PAPPA2: variants seen among roughly 807,000 people sequenced by gnomAD.
PAPPA2 encodes pappalysin 2, also known as pappalysin-2.
PAPPA2 carries 86 observed loss-of-function variants against 176.4 expected under a neutral mutation model. The ratio of observed to expected loss-of-function variants is 0.49; its 90% confidence interval spans 0.41 to 0.58. The LOEUF is 0.58. Among genes scored for constraint, PAPPA2 ranks in the 20% least tolerant of loss-of-function variants. The pLI is 0.00. For synonymous variants in PAPPA2, 809 were observed against 852.2 expected, an observed-to-expected ratio of 0.95 and a Z score of 0.88; for missense variants, 2,073 against 2,256.9, an observed-to-expected ratio of 0.92 and a Z score of 1.65.
chr1:176,561,488 G>A (rs1489107658), intron 2 of PAPPA2, among the ~76,000 whole-genome samples: 2 of 152,112 alleles, frequency 1.3e-5, no homozygotes, highest in Non-Finnish European at 2.9e-5. Context: ...TAGGAATTCA[G>A]TTTGCTAGAT....
At chr1:176,833,686 C>T (rs1667162247) in intron 21 of PAPPA2, among the ~76,000 whole-genome samples, 1 of 152,120 alleles carries the variant, frequency 6.6e-6, no homozygotes, top group Admixed American at 6.5e-5. Flanking sequence ...ATAGTATATT[C>T]TACTGCCTTG....
At chr1:176,550,409 C>G (rs1281322180) in intron 1 of PAPPA2, among the ~76,000 whole-genome samples, 1 of 152,178 alleles carries the variant, frequency 6.6e-6, no homozygotes, top group Admixed American at 6.5e-5. Flanking sequence ...GAAGTATAAA[C>G]CCTGCAGAGC....
intron 21 of PAPPA2, among the ~76,000 whole-genome samples, chr1:176,834,903 G>A (rs779055555): frequency 1.3e-4 from 20 of 152,174 alleles, no homozygotes; most frequent in East Asian, 3.9e-4. Flanking sequence ...CCTAAGAGAC[G>A]GAGGTTGCAG....
intron 3 of PAPPA2, among the ~76,000 whole-genome samples, chr1:176,652,721 G>A (rs977150935): frequency 3.3e-5 from 5 of 151,726 alleles, no homozygotes; most frequent in Non-Finnish European, 4.4e-5. Context: ...GTTGAGACAT[G>A]GACAGTTAGT....
rs370399941 is a variant in PAPPA2 at position 176,739,681 on chromosome 1, A to G, written c.3854A>G (p.Asp1285Gly). 1.9e-6 allele frequency: 3 copies of G among 1,613,508 alleles called. No individual in the cohort carries two copies. Among genetic ancestry groups the G allele is most frequent in the African/African-American group, 1.3e-5 (1 of 74,876 alleles). The stretch of plus-strand genomic sequence containing the variant: ...GCAATTTTTATTTTTTTGACAACTG[A>G]TGGCCTAGTTCCCGGAGAGCATCAG... ...ARAIFIFLTT[D>G]GLVPGEHQQP... Residue 1285 changes from aspartate (D) to glycine (G), a missense_variant, in exon 13 of 23, where the codon GAT becomes GGT. This residue lies in a region of PAPPA2 where 846 missense variants were observed against 857.9 expected (regional missense o/e 0.99). Coordinates refer to ENST00000367662, the MANE Select transcript of PAPPA2 (RefSeq NM_020318.3).
intron 21 of PAPPA2, among the ~76,000 whole-genome samples, chr1:176,803,353 G>C (rs1173925522): frequency 1.3e-5 from 2 of 152,178 alleles, no homozygotes; most frequent in Non-Finnish European, 2.9e-5. Flanking sequence ...GCCACTTCGT[G>C]AATGTTTACT....
At chr1:176,557,301 C>T (rs115958902) in intron 2 of PAPPA2, 60 bp downstream of exon 2, 3 of 1,491,944 alleles carry the variant, frequency 2.0e-6, no homozygotes, top group South Asian at 1.3e-5. Flanking sequence ...TTATTTCTGA[C>T]GGGTTAGACA....
chr1:176,464,461 G>A (rs574148921), intron 1 of PAPPA2, among the ~76,000 whole-genome samples: 17 of 152,126 alleles, frequency 1.1e-4, no homozygotes, highest in Non-Finnish European at 1.6e-4. Context: ...AGGGCCCTGT[G>A]CTTGGTTCAA....
At chr1:176,519,848 C>A (rs1380033785) in intron 1 of PAPPA2, among the ~76,000 whole-genome samples, 1 of 152,082 alleles carries the variant, frequency 6.6e-6, no homozygotes, top group Non-Finnish European at 1.5e-5. Flanking sequence ...TGGCTGGGAG[C>A]TATAGTAAAA....
intron 14 of PAPPA2, among the ~76,000 whole-genome samples, chr1:176,753,690 T>G (rs1406225046): frequency 2.0e-5 from 3 of 151,982 alleles, no homozygotes; most frequent in Non-Finnish European, 2.9e-5. Flanking sequence ...TCTCTCTTGC[T>G]GCTGGGAAAG....
chr1:176,631,694 T>G (rs1656347859), intron 3 of PAPPA2, among the ~76,000 whole-genome samples: 1 of 151,746 alleles, frequency 6.6e-6, no homozygotes, highest in South Asian at 2.1e-4. Context: ...TAAGGAGGAG[T>G]GAAATACAGA....
At chr1:176,590,013 A>G (rs546554489) in intron 2 of PAPPA2, among the ~76,000 whole-genome samples, 1 of 152,338 alleles carries the variant, frequency 6.6e-6, no homozygotes, top group African/African-American at 2.4e-5. Flanking sequence ...TATGACTCCA[A>G]TTTGTAGCTA....
chr1:176,792,687 T>G (rs1181919133), intron 19 of PAPPA2, among the ~76,000 whole-genome samples: 1 of 152,052 alleles, frequency 6.6e-6, no homozygotes, highest in African/African-American at 2.4e-5. Flanking sequence ...AATGTGCACA[T>G]GTACCCTAAA....
intron 3 of PAPPA2, among the ~76,000 whole-genome samples, chr1:176,645,910 G>T (rs923035703): frequency 4.6e-5 from 7 of 151,458 alleles, no homozygotes; most frequent in South Asian, 2.1e-4. Flanking sequence ...GTTTATTCCG[G>T]TTTTTTGCCC....
chr1:176,822,564 A>T (rs183652627), intron 21 of PAPPA2, among the ~76,000 whole-genome samples: 1 of 152,210 alleles, frequency 6.6e-6, no homozygotes, highest in Non-Finnish European at 1.5e-5. Flanking sequence ...CTTAATAAAT[A>T]TAGGTATTCT....
chr1:176,491,495 C>T (rs1435738590), intron 1 of PAPPA2, among the ~76,000 whole-genome samples: 1 of 152,022 alleles, frequency 6.6e-6, no homozygotes, highest in East Asian at 1.9e-4. Context: ...AATGTAGAGG[C>T]TGAGTGTGGC....
chr1:176,589,301 G>T (rs1214553404), intron 2 of PAPPA2, among the ~76,000 whole-genome samples: 5 of 152,138 alleles, frequency 3.3e-5, no homozygotes, highest in African/African-American at 1.2e-4. Context: ...TGATAGTAGA[G>T]AACTGGATGC....
At chr1:176,728,104 C>A (rs1024911157) in intron 12 of PAPPA2, among the ~76,000 whole-genome samples, 1 of 151,558 alleles carries the variant, frequency 6.6e-6, no homozygotes, top group African/African-American at 2.4e-5. Flanking sequence ...AGAAAAAGAT[C>A]AAATTAAAAT....
At chr1:176,771,420 C>T (rs184484406) in intron 17 of PAPPA2, among the ~76,000 whole-genome samples, 74 of 152,286 alleles carry the variant, frequency 4.9e-4, no homozygotes, top group Admixed American at 9.8e-4. Context: ...GAGTTAGCAG[C>T]GTCTCAGGTG....
Sources: gnomAD v4.1 joint callset for allele counts (sites outside exome capture counted in the v4.1 genomes callset) on GRCh38, gnomAD v4.1.1 for gene constraint, gnomAD v4.1.1 regional missense constraint, MANE v1.5 for transcripts, NCBI Gene and HGNC (gene_info 2026-07-23, HGNC 2026-07-21) for gene names.